The following HORMAD1 variants were observed in gnomAD, a reference collection of about 807,000 sequenced individuals.
HORMAD1 encodes HORMA domain-containing protein 1.
In HORMAD1, 33 loss-of-function variants were observed where a neutral mutation model predicts 58.2. The observed-to-expected ratio is 0.57, with a 90% CI of 0.43 to 0.76. HORMAD1 has a LOEUF of 0.76. Among genes scored for constraint, HORMAD1 ranks in the 30% least tolerant of loss-of-function variants. HORMAD1 has a pLI of 0.00. For missense variants in HORMAD1, 363 were observed against 462.0 expected, an observed-to-expected ratio of 0.79 and a Z score of 1.96; for synonymous variants, 137 against 144.6, an observed-to-expected ratio of 0.95 and a Z score of 0.38.
intron 3 of HORMAD1, among the ~76,000 whole-genome samples, chr1:150,716,707 T>A (rs945066442): frequency 6.6e-6 from 1 of 151,460 alleles, no homozygotes; most frequent in Admixed American, 6.6e-5. Context: ...CTCACGCCTG[T>A]AATCACACCA....
intron 13 of HORMAD1, among the ~76,000 whole-genome samples, 175 bp downstream of exon 13, chr1:150,703,135 G>A (rs587646020): frequency 2.0e-5 from 3 of 152,196 alleles, no homozygotes; most frequent in South Asian, 4.1e-4. Flanking sequence ...CTAAACTTCA[G>A]CTAAGACCAT....
At chr1:150,718,489 T>G (rs1652156741) in intron 2 of HORMAD1, among the ~76,000 whole-genome samples, 1 of 152,122 alleles carries the variant, frequency 6.6e-6, no homozygotes, top group Admixed American at 6.5e-5. Flanking sequence ...GCAGATTAAC[T>G]GTCTGTAAAT....
At chr1:150,714,162 TTTCC>T in intron 4 of HORMAD1, 41 bp from the exon 5 acceptor site, 1 of 1,185,608 alleles carries the variant, frequency 8.4e-7, no homozygotes, top group Non-Finnish European at 1.2e-6. Flanking sequence ...ACTGAATGCA[TTTCC>T]AGAAAATAGT....
intron 5 of HORMAD1, among the ~76,000 whole-genome samples, chr1:150,713,404 G>T (rs907996433): frequency 6.6e-6 from 1 of 151,946 alleles, no homozygotes; most frequent in Non-Finnish European, 1.5e-5. Flanking sequence ...GGAAGATTAG[G>T]AACCATGAAT....
At chr1:150,714,056 A>C in intron 5 of HORMAD1, 29 bp downstream of exon 5, 3 of 1,369,870 alleles carry the variant, frequency 2.2e-6, no homozygotes, top group Non-Finnish European at 3.1e-6. Context: ...ACTGTAGAAA[A>C]AAAAGGATAA....
At chr1:150,711,052 T>A (rs1364692139) in intron 7 of HORMAD1, among the ~76,000 whole-genome samples, 1 of 152,190 alleles carries the variant, frequency 6.6e-6, no homozygotes, top group Non-Finnish European at 1.5e-5. Flanking sequence ...GAACAGAGCC[T>A]AATATAAAGT....
chr1:150,714,466 G>A lies in HORMAD1; in HGVS notation c.242+149C>T, dbSNP rs587740766. On this transcript the variant is annotated intron_variant, in intron 4 of 14. Transcript: ENST00000361824. ...CAGACTTCAAGGAGAGGAAAACTTC[G>A]GTGGAAAATTTAATGACCTACAAAA... is the stretch of plus-strand genomic sequence containing the variant. 1.1e-4 allele frequency: 48 copies of A among 444,624 alleles called. No homozygotes were observed. In the South Asian group the frequency reaches 1.4e-3, roughly 13 times the overall value. The allele number at this position is 444,624 out of a possible 1,614,324, so 27.5% of individuals were successfully genotyped here.
intron 3 of HORMAD1, among the ~76,000 whole-genome samples, chr1:150,716,759 C>T (rs1652091479): frequency 6.6e-6 from 1 of 150,924 alleles, no homozygotes; most frequent in Non-Finnish European, 1.5e-5. Context: ...GTGAGGAAAT[C>T]GAGACCATCC....
Position 150,704,144 on chromosome 1 carries a change from G to T in HORMAD1, c.922C>A (p.Pro308Thr). 1 of 1,593,632 alleles carries T rather than the reference G, an allele frequency of 6.3e-7. No individual in the cohort carries two copies. Among genetic ancestry groups the T allele is most frequent in the South Asian group, 1.2e-5 (1 of 86,172 alleles). Residue 308 changes from proline (P) to threonine (T), a missense_variant, in exon 12 of 15, where the codon CCA becomes ACA. Transcript: ENST00000361824. ...TGAGAATGAGAAATAGAAAGATCTG[G>T]ACTTTCTTTAGACCTCATAATTTCA... ...EDEIMRSKES[P>T]DLSISHSQVE...
chr1:150,701,571 TG>T (rs1012987520), intron 13 of HORMAD1, among the ~76,000 whole-genome samples: 34 of 152,342 alleles, frequency 2.2e-4, no homozygotes, highest in African/African-American at 6.3e-4. Flanking sequence ...AGTGGGGAGT[TG>T]GGAATAAATG....
At chr1:150,708,991 CT>C in intron 7 of HORMAD1, 30 bp from the exon 8 acceptor site, 1 of 1,072,702 alleles carries the variant, frequency 9.3e-7, no homozygotes, top group South Asian at 1.3e-5. Flanking sequence ...AGTTATGCTT[CT>C]GATATTCAGT....
At chr1:150,717,006 T>G in intron 3 of HORMAD1, 132 bp downstream of exon 3, 1 of 467,578 alleles carries the variant, frequency 2.1e-6, no homozygotes, top group Non-Finnish European at 3.7e-6. Flanking sequence ...ACAAGTGAAC[T>G]GTCAGGTACG....
intron 4 of HORMAD1, 22 bp from the exon 5 acceptor site, chr1:150,714,143 C>A (rs1331230549): frequency 2.1e-6 from 3 of 1,400,144 alleles, no homozygotes; most frequent in African/African-American, 1.4e-5. Context: ...ATCAAGGATT[C>A]ATTTTTAGAC....
In HORMAD1 at chr1:150,703,326, A is replaced by T; in HGVS notation, c.1016T>A (p.Val339Asp). The change falls in exon 13 of 15, where the codon GTC becomes GAC. Residue 339 changes from valine (V) to aspartate (D), a missense_variant. Val to Asp is a radical substitution (Grantham distance 152). Coordinates refer to ENST00000361824, the MANE Select transcript of HORMAD1 (RefSeq NM_032132.5). ...GATATTTACCATTTTATTCTGAAAG[A>T]CTTTTCCACTTCTTGTTTTGCTTTC... ...MSESKTRSGK[V>D]FQNKMANGNQ... The T allele has an allele frequency of 6.4e-7, 1 of 1,559,068 alleles. No homozygotes were observed. The highest frequency in any genetic ancestry group is 2.3e-5 in the East Asian group (1 of 43,934).
At chr1:150,708,755 T>A (rs1345792196) in intron 8 of HORMAD1, 139 bp downstream of exon 8, 1 of 560,632 alleles carries the variant, frequency 1.8e-6, no homozygotes, top group African/African-American at 1.9e-5. Flanking sequence ...AAGCCACCAC[T>A]CCATTTTGCA....
chr1:150,709,130 G>T, intron 7 of HORMAD1, 169 bp from the exon 8 acceptor site: 1 of 596,814 alleles, frequency 1.7e-6, no homozygotes, highest in Non-Finnish European at 3.0e-6. Context: ...TCATGGTTTG[G>T]GTTTGGGGCT....
intron 6 of HORMAD1, 127 bp from the exon 7 acceptor site, chr1:150,711,698 A>C (rs1651910682): frequency 6.4e-6 from 6 of 941,822 alleles, no homozygotes; most frequent in Non-Finnish European, 1.0e-5. Context: ...CCAAAATATT[A>C]CTTTTTCATT....
Position 150,706,824 on chromosome 1 carries a change from GTGTAAAC to G in HORMAD1, c.548-22_548-16del, listed in dbSNP as rs1651711496. The G allele has an allele frequency of 6.3e-7, 1 of 1,588,974 alleles. No individual in the cohort carries two copies. The highest frequency in any genetic ancestry group is 1.8e-5 in the Admixed American group (1 of 54,782). On this transcript the variant is annotated splice_polypyrimidine_tract_variant and intron_variant, in intron 9 of 14. Coordinates refer to ENST00000361824, the MANE Select transcript of HORMAD1 (RefSeq NM_032132.5). ...TGGGGGTGTAACTGCAAAAAAGTAA[GTGTAAAC>G]TGTGCTGTTCATGAAATTAAAGAAA...
At chr1:150,703,284 G>A (rs777531087) in intron 13 of HORMAD1, 26 bp downstream of exon 13, 31 of 1,258,042 alleles carry the variant, frequency 2.5e-5, no homozygotes, top group Non-Finnish European at 3.4e-5. Flanking sequence ...GGTTACAATG[G>A]AAAACAAACC....
Sources: gnomAD v4.1 joint callset for allele counts (sites outside exome capture counted in the v4.1 genomes callset) on GRCh38, gnomAD v4.1.1 for gene constraint, MANE v1.5 for transcripts, NCBI Gene and HGNC (gene_info 2026-07-23, HGNC 2026-07-21) for gene names.